The following GPC5 variants were observed in gnomAD, a reference collection of about 807,000 sequenced individuals.
GPC5 encodes glypican 5, also known as glypican-5.
A neutral mutation model predicts 53.9 loss-of-function variants in GPC5; 47 were observed. The ratio of observed to expected loss-of-function variants is 0.87; its 90% CI spans 0.69 to 1.11. The LOEUF (loss-of-function observed/expected upper bound fraction) is 1.11, where lower values mean the gene tolerates loss of function less well. GPC5 is among the 50% of genes most tolerant of loss of function. The pLI is 0.00. For synonymous variants in GPC5, 286 were observed against 263.3 expected, an observed-to-expected ratio of 1.09 and a Z score of -0.84; for missense variants, 748 against 713.1, an observed-to-expected ratio of 1.05 and a Z score of -0.56.
intron 7 of GPC5, among the ~76,000 whole-genome samples, chr13:92,206,746 A>G (rs1301572916): frequency 6.6e-6 from 1 of 152,126 alleles, no homozygotes; most frequent in African/African-American, 2.4e-5. Context: ...GGCAGATGGA[A>G]TCTGAAAAAT....
intron 2 of GPC5, among the ~76,000 whole-genome samples, chr13:91,690,025 C>A (rs749008593): frequency 6.6e-6 from 1 of 152,128 alleles, no homozygotes; most frequent in Non-Finnish European, 1.5e-5. Flanking sequence ...CCAGCATCAC[C>A]ACAAACATGT....
At chr13:92,629,663 C>T (rs907598889) in intron 7 of GPC5, among the ~76,000 whole-genome samples, 1 of 152,014 alleles carries the variant, frequency 6.6e-6, no homozygotes, top group Non-Finnish European at 1.5e-5. Context: ...AAAGTGTGAG[C>T]ACCTGAAGAA....
chr13:92,228,954 A>G (rs970747677), intron 7 of GPC5, among the ~76,000 whole-genome samples: 3 of 152,158 alleles, frequency 2.0e-5, no homozygotes, highest in African/African-American at 7.2e-5. Context: ...GGAAAAAATA[A>G]TGATTATATA....
intron 7 of GPC5, among the ~76,000 whole-genome samples, chr13:92,490,636 A>G (rs964610952): frequency 6.6e-6 from 1 of 152,152 alleles, no homozygotes; most frequent in Non-Finnish European, 1.5e-5. Context: ...TGACTAACGT[A>G]TATAAAAGAT....
At position 92,732,680 on chromosome 13, in the gene GPC5, T is replaced by C. The variant is rs370168672; in HGVS notation, c.1562-133602T>C. On this transcript the variant is annotated intron_variant, in intron 7 of 7. Coordinates refer to ENST00000377067, the MANE Select transcript of GPC5 (RefSeq NM_004466.6). ...GATCCAGACAATTCCTTGAAGATAATTCACATCTTAAGGAATGAAAGAAGT... is the reference window on the plus strand; with the variant it reads ...GATCCAGACAATTCCTTGAAGATAACTCACATCTTAAGGAATGAAAGAAGT... Among the ~76,000 whole-genome samples, 6 of 151,738 alleles carry C rather than the reference T, an allele frequency of 4.0e-5. No individual in the cohort carries two copies. In the East Asian group the frequency reaches 7.7e-4, roughly 20 times the overall value.
intron 2 of GPC5, among the ~76,000 whole-genome samples, chr13:91,484,653 G>A (rs1243503308): frequency 6.6e-6 from 1 of 152,116 alleles, no homozygotes; most frequent in Non-Finnish European, 1.5e-5. Flanking sequence ...TGGAGAGACT[G>A]TGGCAAAGAA....
At chr13:91,400,076 A>AT (rs955773897) in intron 1 of GPC5, among the ~76,000 whole-genome samples, 2 of 152,176 alleles carry the variant, frequency 1.3e-5, no homozygotes, top group African/African-American at 4.8e-5. Flanking sequence ...AGAATAGGTC[A>AT]TAGCTGTCAA....
intron 5 of GPC5, among the ~76,000 whole-genome samples, chr13:91,853,429 A>T (rs1443885797): frequency 6.6e-6 from 1 of 152,006 alleles, no homozygotes; most frequent in East Asian, 1.9e-4. Context: ...CATCTTAGAA[A>T]AGTGATTACT....
intron 3 of GPC5, among the ~76,000 whole-genome samples, chr13:91,725,870 T>C (rs2036565494): frequency 6.6e-6 from 1 of 152,156 alleles, no homozygotes; most frequent in South Asian, 2.1e-4. Flanking sequence ...ACATAGAAGT[T>C]CCATAACTTG....
intron 2 of GPC5, among the ~76,000 whole-genome samples, chr13:91,506,769 G>A (rs1447072337): frequency 2.0e-5 from 3 of 151,920 alleles, no homozygotes; most frequent in African/African-American, 7.3e-5. Flanking sequence ...AAAATATAAT[G>A]AATTATTTAT....
intron 2 of GPC5, among the ~76,000 whole-genome samples, chr13:91,475,555 G>A (rs140755859): frequency 3.9e-5 from 6 of 152,326 alleles, no homozygotes; most frequent in African/African-American, 1.4e-4. Context: ...ATCCATTAAG[G>A]TTTGGCTGAT....
chr13:91,609,224 G>T (rs1451629408), intron 2 of GPC5, among the ~76,000 whole-genome samples: 4 of 151,498 alleles, frequency 2.6e-5, no homozygotes, highest in Non-Finnish European at 5.9e-5. Flanking sequence ...TTCGAATGCT[G>T]TATCATATTA....
chr13:92,228,624 G>T (rs2042506559), intron 7 of GPC5, among the ~76,000 whole-genome samples: 1 of 152,100 alleles, frequency 6.6e-6, no homozygotes, highest in Non-Finnish European at 1.5e-5. Context: ...TCTTGAATTA[G>T]AAATCTATAC....
At chr13:91,765,471 A>G (rs1261441381) in intron 5 of GPC5, among the ~76,000 whole-genome samples, 2 of 152,240 alleles carry the variant, frequency 1.3e-5, no homozygotes, top group Non-Finnish European at 1.5e-5. Flanking sequence ...AAACAGAAAG[A>G]GTACTATTTT....
chr13:92,804,312 T>C (rs996613511), intron 7 of GPC5, among the ~76,000 whole-genome samples: 1 of 151,938 alleles, frequency 6.6e-6, no homozygotes, highest in Non-Finnish European at 1.5e-5. Context: ...CTTTCATTTA[T>C]TGGTTGTGAG....
chr13:92,351,808 A>C (rs1566551944), intron 7 of GPC5, among the ~76,000 whole-genome samples: 1 of 152,220 alleles, frequency 6.6e-6, no homozygotes, highest in Non-Finnish European at 1.5e-5. Flanking sequence ...GATGTAAAAA[A>C]TACAGAGAAA....
chr13:91,830,137 C>A (rs548866943), intron 5 of GPC5, among the ~76,000 whole-genome samples: 3 of 152,146 alleles, frequency 2.0e-5, no homozygotes, highest in East Asian at 1.9e-4. Context: ...AAGACAGCCA[C>A]GCCCAGGGGG....
chr13:92,663,674 T>C (rs1886434904), intron 7 of GPC5, among the ~76,000 whole-genome samples: 2 of 142,696 alleles, frequency 1.4e-5, no homozygotes, highest in African/African-American at 2.6e-5. Context: ...ACTATATATA[T>C]ACACTATATA....
intron 7 of GPC5, among the ~76,000 whole-genome samples, chr13:92,741,534 A>G (rs147197908): frequency 1.3e-5 from 2 of 152,174 alleles, no homozygotes; most frequent in African/African-American, 4.8e-5. Flanking sequence ...AGGTTGAAAC[A>G]GTGCATTAAT....
Sources: allele counts gnomAD v4.1 joint callset (sites outside exome capture counted in the v4.1 genomes callset), GRCh38; gene constraint gnomAD v4.1.1; transcripts MANE v1.5; gene names NCBI Gene and HGNC (gene_info 2026-07-23, HGNC 2026-07-21).